Variants in TYW1B observed in about 807,000 individuals in gnomAD.
TYW1B encodes S-adenosyl-L-methionine-dependent tRNA 4-demethylwyosine synthase TYW1B.
A neutral mutation model predicts 86.9 loss-of-function variants in TYW1B; 73 were observed. That is an observed-to-expected ratio of 0.84 (90% CI 0.70 to 1.02). TYW1B has a LOEUF of 1.02. TYW1B is among the 50% of genes least tolerant of loss of function. TYW1B has a pLI of 0.00. For synonymous variants in TYW1B, 248 were observed against 292.8 expected, an observed-to-expected ratio of 0.85 and a Z score of 1.56; for missense variants, 637 against 827.4, an observed-to-expected ratio of 0.77 and a Z score of 2.82.
chr7:72,752,132 T>C (rs571907615), intron 7 of TYW1B, among the ~76,000 whole-genome samples: 1 of 152,238 alleles, frequency 6.6e-6, no homozygotes, highest in African/African-American at 2.4e-5. Context: ...GGGGCCCCTC[T>C]TGCTAGTGCC....
chr7:72,724,485 TA>T (rs1376268370), intron 9 of TYW1B, among the ~76,000 whole-genome samples: 1 of 152,016 alleles, frequency 6.6e-6, no homozygotes, highest in African/African-American at 2.4e-5. Context: ...AGTAAATAAA[TA>T]AAGTAAAATA....
chr7:72,580,743 C>T (rs1379176055), intron 13 of TYW1B, among the ~76,000 whole-genome samples: 1 of 152,080 alleles, frequency 6.6e-6, no homozygotes, highest in Non-Finnish European at 1.5e-5. Context: ...GTAGATTAAA[C>T]GCATGCATTT....
chr7:72,772,133 G>C (rs1420748450), intron 7 of TYW1B, among the ~76,000 whole-genome samples: 1 of 151,594 alleles, frequency 6.6e-6, no homozygotes, highest in East Asian at 1.9e-4. Flanking sequence ...ACAAGCGTGA[G>C]CCACCACACC....
At position 72,703,013 on chromosome 7, in the gene TYW1B, TATATATATATA is replaced by T. The variant is rs1221828517; in HGVS notation, c.1371-8202_1371-8192del. 5.7e-3 allele frequency among the ~76,000 whole-genome samples: 225 copies of T among 39,434 alleles called. 8 individuals carry two copies. The highest frequency in any genetic ancestry group is 0.022 in the East Asian group (48 of 2,232). 25.9% of individuals were successfully genotyped at this position (39,434 alleles called of 152,430 possible). A position where few individuals can be genotyped will look rare whatever the true frequency, so the allele number is the denominator to read the frequency against. ...ATATATATATATATATATATATATATATATATATATATATTTTTTTTTTTTTTTTGAGATGG... is the reference window on the plus strand; with the variant it reads ...ATATATATATATATATATATATATATTATTTTTTTTTTTTTTTTGAGATGG... On this transcript the variant is annotated intron_variant, in intron 10 of 13. Coordinates refer to ENST00000620995, the MANE Select transcript of TYW1B (RefSeq NM_001145440.3).
chr7:72,643,268 T>A (rs1475988383), intron 11 of TYW1B, among the ~76,000 whole-genome samples: 1 of 152,098 alleles, frequency 6.6e-6, no homozygotes, highest in African/African-American at 2.4e-5. Flanking sequence ...TAAAAAAATT[T>A]AACAAGAGTT....
At chr7:72,816,850 C>T (rs1554479546) in intron 2 of TYW1B, among the ~76,000 whole-genome samples, 2 of 152,148 alleles carry the variant, frequency 1.3e-5, no homozygotes, top group Non-Finnish European at 2.9e-5. Context: ...GCCTGGAAGC[C>T]CTGCTCAACC....
intron 8 of TYW1B, among the ~76,000 whole-genome samples, chr7:72,735,054 A>G (rs1787174448): frequency 1.3e-5 from 2 of 152,198 alleles, no homozygotes; most frequent in South Asian, 2.1e-4. Flanking sequence ...AGATTCCTCA[A>G]AAAACTAAAG....
chr7:72,716,113 A>G (rs540906300), intron 9 of TYW1B, among the ~76,000 whole-genome samples: 16 of 152,058 alleles, frequency 1.1e-4, no homozygotes, highest in Middle Eastern at 3.4e-3. Flanking sequence ...AATTTTTTGT[A>G]TTTTTAGTAG....
Position 72,709,388 on chromosome 7 carries a change from G to A in TYW1B, c.1370+4233C>T, listed in dbSNP as rs552490127. ...GATGCTTTAAAAATCCAAAAGCGTG[G>A]CCGAGCGTGGTGGCTCACGCCTGTA... On this transcript the variant is annotated intron_variant, in intron 10 of 13. Coordinates refer to ENST00000620995, the MANE Select transcript of TYW1B (RefSeq NM_001145440.3). Among the ~76,000 whole-genome samples the A allele has an allele frequency of 3.6e-3, 544 of 152,066 alleles. 4 individuals carry two copies. The highest frequency in any genetic ancestry group is 6.8e-3 in the Middle Eastern group (2 of 294).
intron 6 of TYW1B, among the ~76,000 whole-genome samples, chr7:72,781,331 T>C (rs1485197372): frequency 2.0e-5 from 3 of 152,098 alleles, no homozygotes; most frequent in African/African-American, 7.2e-5. Flanking sequence ...AGATCATGTC[T>C]TGGCATCACC....
At chr7:72,724,842 G>A (rs1786969332) in intron 9 of TYW1B, among the ~76,000 whole-genome samples, 1 of 152,054 alleles carries the variant, frequency 6.6e-6, no homozygotes, top group Admixed American at 6.6e-5. Flanking sequence ...TGAATTTCTG[G>A]GGATCATTCC....
chr7:72,618,949 G>A (rs1309714839), intron 12 of TYW1B, among the ~76,000 whole-genome samples: 4 of 152,292 alleles, frequency 2.6e-5, no homozygotes, highest in South Asian at 2.1e-4. Context: ...TGGAGTCTGA[G>A]TAGAAAGAGC....
rs59438928 is a variant in TYW1B, at chr7:72,711,473, CTTTTTTTTT to C, written c.1370+2139_1370+2147del. ...CTTCGTGTTTCTCTCCTCTTTAATT[CTTTTTTTTT>C]TTTTTTTTTTTTTTTTTTGCTCTGT... is the stretch of plus-strand genomic sequence containing the variant. On this transcript the variant is annotated intron_variant, in intron 10 of 13. Transcript: ENST00000620995. 5.9e-3 allele frequency among the ~76,000 whole-genome samples: 338 copies of C among 56,956 alleles called. 2 individuals carry two copies. The highest frequency in any genetic ancestry group is 0.022 in the African/African-American group (305 of 13,728). 37.4% of individuals were successfully genotyped at this position (56,956 alleles called of 152,430 possible).
chr7:72,597,712 C>T (rs1585835837), intron 13 of TYW1B, among the ~76,000 whole-genome samples: 1 of 152,306 alleles, frequency 6.6e-6, no homozygotes, highest in Admixed American at 6.5e-5. Flanking sequence ...TCATAAGTAA[C>T]TTTTGCCAAA....
At chr7:72,715,455 G>GAT (rs1554455700) in intron 9 of TYW1B, among the ~76,000 whole-genome samples, 2 of 152,184 alleles carry the variant, frequency 1.3e-5, no homozygotes, top group African/African-American at 4.8e-5. Flanking sequence ...GGCATTAAGA[G>GAT]ATATGCTGTC....
intron 13 of TYW1B, among the ~76,000 whole-genome samples, chr7:72,577,746 T>C (rs1373899658): frequency 3.3e-5 from 5 of 152,200 alleles, no homozygotes; most frequent in Admixed American, 6.5e-5. Flanking sequence ...GACAGCAGAA[T>C]TGATTCCTAC....
intron 11 of TYW1B, among the ~76,000 whole-genome samples, chr7:72,659,342 G>A (rs546188746): frequency 6.6e-6 from 1 of 152,286 alleles, no homozygotes; most frequent in Admixed American, 6.5e-5. Context: ...ACTCTGGGAG[G>A]CCCAGGCAGG....
At chr7:72,670,961 T>A (rs541024468) in intron 11 of TYW1B, among the ~76,000 whole-genome samples, 2 of 152,194 alleles carry the variant, frequency 1.3e-5, no homozygotes, top group Non-Finnish European at 2.9e-5. Context: ...TATTCCAGTC[T>A]GTAAATAAAT....
At chr7:72,808,630 T>G (rs1415406531) in intron 4 of TYW1B, among the ~76,000 whole-genome samples, 1 of 150,176 alleles carries the variant, frequency 6.7e-6, no homozygotes, top group Non-Finnish European at 1.5e-5. Context: ...CGGGTTCAAG[T>G]GATTCTCCTG....
Sources: gnomAD v4.1 joint callset for allele counts (sites outside exome capture counted in the v4.1 genomes callset) on GRCh38, gnomAD v4.1.1 for gene constraint, MANE v1.5 for transcripts, NCBI Gene and HGNC (gene_info 2026-07-23, HGNC 2026-07-21) for gene names.